ZNF438: variants seen among roughly 807,000 people sequenced by gnomAD.
ZNF438 encodes the protein zinc finger protein 438.
A neutral mutation model predicts 38.0 loss-of-function variants in ZNF438; 25 were observed. That is an observed-to-expected ratio of 0.66 (90% CI 0.48 to 0.92). ZNF438 has a LOEUF of 0.92. Among genes scored for constraint, ZNF438 ranks in the 40% least tolerant of loss-of-function variants. The probability of loss-of-function intolerance (pLI) is 0.00; values close to 1 mark genes in which losing one functional copy is unlikely to be tolerated. For synonymous variants in ZNF438, 372 were observed against 364.1 expected (o/e 1.02, Z -0.25); for missense variants, 1,007 against 999.6 (o/e 1.01, Z -0.10).
intron 1 of ZNF438, among the ~76,000 whole-genome samples, chr10:30,976,499 T>A (rs925527112): frequency 2.6e-5 from 4 of 152,156 alleles, no homozygotes; most frequent in African/African-American, 9.7e-5. Flanking sequence ...CCCAGCACTT[T>A]GGGAGGCTAG....
intron 1 of ZNF438, among the ~76,000 whole-genome samples, chr10:30,983,408 C>T (rs1195237860): frequency 6.6e-6 from 1 of 152,182 alleles, no homozygotes; most frequent in Non-Finnish European, 1.5e-5. Context: ...GTACATCTTA[C>T]ATGGCTGAAG....
At chr10:30,945,388 C>CT (rs61149961) in intron 1 of ZNF438, among the ~76,000 whole-genome samples, 21 of 141,152 alleles carry the variant, frequency 1.5e-4, no homozygotes, top group South Asian at 8.8e-4. Context: ...GATTCTTTTA[C>CT]TTTTTTTTTT....
exon 6 of ZNF438, chr10:30,845,538 A>C (rs750371703): frequency 1.5e-5 from 25 of 1,613,262 alleles, no homozygotes; most frequent in Middle Eastern, 1.7e-4. Flanking sequence ...TGCCTGGTTT[A>C]GAAGGAAGTC....
intron 1 of ZNF438, among the ~76,000 whole-genome samples, chr10:31,030,173 C>T (rs183901851): frequency 6.6e-6 from 1 of 152,256 alleles, no homozygotes; most frequent in East Asian, 1.9e-4. Flanking sequence ...TTACCTCAGG[C>T]TCTTTCCCTC....
chr10:30,933,734 T>C (rs1160691906), intron 2 of ZNF438, among the ~76,000 whole-genome samples: 3 of 152,170 alleles, frequency 2.0e-5, no homozygotes, highest in African/African-American at 7.2e-5. Flanking sequence ...TGTTGTATGT[T>C]TTCTTTGTTT....
chr10:30,999,555 T>A (rs1017947564), intron 1 of ZNF438: 1 of 152,360 alleles, frequency 6.6e-6, no homozygotes, highest in Non-Finnish European at 1.5e-5. Flanking sequence ...GTCTCCACAC[T>A]GAGTCATGTG....
chr10:30,877,117 T>G, intron 3 of ZNF438, 52 bp from the exon 5 acceptor site: 1 of 1,027,972 alleles, frequency 9.7e-7, no homozygotes, highest in Non-Finnish European at 1.4e-6. Flanking sequence ...AGAGAGCATG[T>G]TAATGCATAC....
At chr10:30,882,237 G>C (rs758889922) in intron 3 of ZNF438, among the ~76,000 whole-genome samples, 3 of 152,098 alleles carry the variant, frequency 2.0e-5, no homozygotes, top group Non-Finnish European at 4.4e-5. Context: ...GGGCTAAAGA[G>C]GTGAACATAC....
At chr10:30,886,192 T>C (rs1387058650) in intron 3 of ZNF438, among the ~76,000 whole-genome samples, 3 of 152,236 alleles carry the variant, frequency 2.0e-5, no homozygotes, top group Non-Finnish European at 4.4e-5. Context: ...TCCAAAATGT[T>C]GTATAAACTC....
chr10:30,993,767 G>C (rs1460757015), intron 1 of ZNF438, among the ~76,000 whole-genome samples: 1 of 152,244 alleles, frequency 6.6e-6, no homozygotes, highest in African/African-American at 2.4e-5. Flanking sequence ...ACCTGCGAAA[G>C]CCACAGGCAC....
chr10:30,875,512 T>G (rs2038272032), intron 4 of ZNF438: 1 of 985,280 alleles, frequency 1.0e-6, no homozygotes, highest in African/African-American at 1.7e-5. Context: ...CTTGCTTGCT[T>G]GGATAAAAAA....
intron 3 of ZNF438, among the ~76,000 whole-genome samples, chr10:30,900,112 A>G (rs2041812342): frequency 6.6e-6 from 1 of 152,224 alleles, no homozygotes; most frequent in African/African-American, 2.4e-5. Context: ...GTGTAGTAAG[A>G]AAACAGCTAC....
At chr10:30,845,200 T>C (rs1369135070) in exon 6 of ZNF438, 2 of 1,614,144 alleles carry the variant, frequency 1.2e-6, no homozygotes, top group South Asian at 1.1e-5. Context: ...GGCTTGTTGG[T>C]TCCTGACTGG....
intron 2 of ZNF438, among the ~76,000 whole-genome samples, chr10:30,911,352 C>T (rs910463996): frequency 3.3e-5 from 5 of 152,100 alleles, no homozygotes; most frequent in Non-Finnish European, 7.4e-5. Context: ...AAACTGTTCT[C>T]TAAAATAAGT....
intron 1 of ZNF438, among the ~76,000 whole-genome samples, chr10:30,949,178 T>A (rs1194705924): frequency 6.6e-6 from 1 of 151,466 alleles, no homozygotes; most frequent in Admixed American, 6.6e-5. Context: ...AGAAATAAAA[T>A]CCTTTACAGA....
chr10:31,014,660 G>A (rs1222688016), intron 1 of ZNF438, among the ~76,000 whole-genome samples: 1 of 152,048 alleles, frequency 6.6e-6, no homozygotes, highest in African/African-American at 2.4e-5. Flanking sequence ...GCGTGATGAC[G>A]GTGAAGGTAC....
At chr10:30,979,135 A>G (rs1459228375) in intron 1 of ZNF438, among the ~76,000 whole-genome samples, 3 of 152,230 alleles carry the variant, frequency 2.0e-5, no homozygotes, top group Non-Finnish European at 2.9e-5. Flanking sequence ...AGAGAAAAAG[A>G]TTCCTTTCAA....
Position 30,849,621 on chromosome 10 carries a change from GTTC to G in ZNF438, c.781_783del (p.Glu261del), listed in dbSNP as rs776960085. 13 of 1,614,064 alleles carry G rather than the reference GTTC, an allele frequency of 8.1e-6. No individual in the cohort carries two copies. The Admixed American group carries it at 8.3e-5, about 10-fold the overall frequency. ...GTCATGGTTTTTGCAAGATCAACTT[GTTC>G]TTTAAATTTTTCACTGGCAACAGCA... On this transcript the variant is annotated inframe_deletion, in exon 5 of 6. Transcript: ENST00000413025.
intron 1 of ZNF438, among the ~76,000 whole-genome samples, chr10:30,963,387 C>T (rs1320449206): frequency 1.4e-5 from 1 of 70,378 alleles, no homozygotes; most frequent in Non-Finnish European, 2.5e-5. Flanking sequence ...AGTGAAACTC[C>T]ATCTCAAAAA....
Sources: allele counts gnomAD v4.1 joint callset (sites outside exome capture counted in the v4.1 genomes callset), GRCh38; gene constraint gnomAD v4.1.1; transcripts MANE v1.5; gene names NCBI Gene and HGNC (gene_info 2026-07-23, HGNC 2026-07-21).